Variants in LRRC66 observed in about 807,000 individuals in gnomAD.
LRRC66 encodes leucine-rich repeat-containing protein 66.
In LRRC66, 29 loss-of-function variants were observed where a neutral mutation model predicts 24.6. That is an observed-to-expected ratio of 1.18 (90% confidence interval 0.88 to 1.61). LRRC66 has a LOEUF of 1.61. LRRC66 is among the 40% of genes most tolerant of loss of function. The pLI is 0.00. For missense variants in LRRC66, 1,124 were observed against 1,058.0 expected, an observed-to-expected ratio of 1.06 and a Z score of -0.87; for synonymous variants, 411 against 397.6, an observed-to-expected ratio of 1.03 and a Z score of -0.40.
intron 3 of LRRC66, among the ~76,000 whole-genome samples, chr4:52,001,723 C>T (rs1002552281): frequency 6.6e-5 from 10 of 152,150 alleles, no homozygotes; most frequent in African/African-American, 2.4e-4. Context: ...GCAGCTGGCT[C>T]AAGGCCACGC....
At position 52,017,320 on chromosome 4, in the gene LRRC66, T is replaced by C. The variant is rs1463297181; in HGVS notation, c.294A>G (p.Ser98=). The C allele has an allele frequency of 6.2e-7, 1 of 1,614,142 alleles. No individual in the cohort carries two copies. Among genetic ancestry groups the C allele is most frequent in the Non-Finnish European group, 8.5e-7 (1 of 1,180,004 alleles). Residue 98 remains serine (S), a synonymous_variant, in exon 2 of 5, where the codon TCA becomes TCG. Transcript: ENST00000682860. ...ATGCAAAAGGGCTTAAGGTTATTTT[T>C]GATATGAGATTGTTACTGAGGTCCA... ...KHLDLSNNLI[S]KITLSPFAYL... is the part of the protein sequence containing the mutation.
chr4:51,995,037 C>T lies in LRRC66; in HGVS notation c.1985G>A (p.Arg662Lys). ...HYSEVPYGDPRDTGPSVFPPR... is the reference protein window; with the variant it reads ...HYSEVPYGDPKDTGPSVFPPR... ...AGGAAAGACTGATGGGCCTGTGTCT[C>T]TTGGGTCACCGTATGGAACCTCGCT... Residue 662 changes from arginine to lysine, a missense_variant, in exon 5 of 5, where the codon AGA (arginine) becomes AAA (lysine). Physicochemically the swap from Arg to Lys is conservative, Grantham distance 26. Transcript: ENST00000682860. 6.2e-7 allele frequency: 1 copy of T among 1,614,148 alleles called. No individual in the cohort carries two copies.
chr4:52,015,835 TAA>T (rs1429314483), intron 2 of LRRC66, among the ~76,000 whole-genome samples: 1 of 152,324 alleles, frequency 6.6e-6, no homozygotes, highest in East Asian at 1.9e-4. Flanking sequence ...CTTAATTATA[TAA>T]AGTTATTAAA....
In LRRC66 at chr4:51,997,871, G is replaced by A; in HGVS notation, c.733C>T (p.Pro245Ser). The change falls in exon 4 of 5, where the codon CCC (proline) becomes TCC (serine). Residue 245 changes from proline to serine, a missense_variant. By Grantham distance (74) the Pro-to-Ser change is moderately conservative. Transcript: ENST00000682860. ...LPMMIIALEF[P>S]HLVVDLADNN... ...TCAGCCAAGTCAACCACTAGATGGGGAAATTCTAGAGCTATGATCATCATT... is the reference window on the plus strand; with the variant it reads ...TCAGCCAAGTCAACCACTAGATGGGAAAATTCTAGAGCTATGATCATCATT... 6.2e-7 allele frequency: 1 copy of A among 1,614,096 alleles called. No homozygotes were observed. The highest frequency in any genetic ancestry group is 1.7e-5 in the Admixed American group (1 of 60,022).
In LRRC66 at chr4:52,017,269, G is replaced by GT. The variant is rs761744471; in HGVS notation, c.344dup (p.Asn115LysfsTer18). The GT allele has an allele frequency of 1.2e-6, 2 of 1,614,044 alleles. No individual in the cohort carries two copies. The highest frequency in any genetic ancestry group is 1.7e-6 in the Non-Finnish European group (2 of 1,180,038). On this transcript the variant is annotated frameshift_variant, in exon 2 of 5. Transcript: ENST00000682860. LOFTEE classifies it high-confidence loss of function. ...GGGAGTGGATGGCATTGTTGCTGAG[G>GT]TTTAACACTTCCAAAGCATGTAAAT...
intron 2 of LRRC66, among the ~76,000 whole-genome samples, chr4:52,013,273 AT>A (rs1349361045): frequency 6.6e-6 from 1 of 151,920 alleles, no homozygotes; most frequent in Non-Finnish European, 1.5e-5. Context: ...TACACTGTGT[AT>A]TTTTTTTAAT....
intron 2 of LRRC66, among the ~76,000 whole-genome samples, chr4:52,013,273 A>AT (rs1349361045): frequency 3.3e-5 from 5 of 152,040 alleles, no homozygotes; most frequent in South Asian, 2.1e-4. Context: ...TACACTGTGT[A>AT]TTTTTTTTAA....
Position 51,999,550 on chromosome 4 carries a change from C to A in LRRC66, c.667-1613G>T, listed in dbSNP as rs915891632. ...GGTCTTGGTGACGATCAGTAGCTTT[C>A]TTATGTATCGCTTGACAACAGATTG... On this transcript the variant is annotated intron_variant, in intron 3 of 4. Coordinates refer to ENST00000682860, the MANE Select transcript of LRRC66 (RefSeq NM_001024611.3). 3.9e-5 allele frequency among the ~76,000 whole-genome samples: 6 copies of A among 152,212 alleles called. No homozygotes were observed. In the East Asian group the frequency reaches 9.7e-4, roughly 25 times the overall value.
intron 3 of LRRC66, among the ~76,000 whole-genome samples, chr4:52,001,459 G>C (rs1236872131): frequency 6.6e-6 from 1 of 152,154 alleles, no homozygotes; most frequent in Non-Finnish European, 1.5e-5. Flanking sequence ...AATCTTAGAA[G>C]TGTTTTAACC....
At chr4:52,000,837 G>C (rs75594157) in intron 3 of LRRC66, among the ~76,000 whole-genome samples, 45 of 152,334 alleles carry the variant, frequency 3.0e-4, no homozygotes, top group Non-Finnish European at 2.6e-4. Flanking sequence ...GCAGCCTCTT[G>C]AGAGAGCCTT....
At chr4:52,018,260 T>C (rs1233491708) in intron 1 of LRRC66, 3 of 985,038 alleles carry the variant, frequency 3.0e-6, no homozygotes, top group Non-Finnish European at 3.6e-6. Context: ...CATGAAGATG[T>C]AATACGATAC....
At chr4:52,004,772 C>A (rs1480709259) in intron 2 of LRRC66, among the ~76,000 whole-genome samples, 2 of 152,144 alleles carry the variant, frequency 1.3e-5, no homozygotes, top group African/African-American at 4.8e-5. Context: ...ATGGCTGCAC[C>A]ATCAAGGTTG....
chr4:52,015,023 A>G (rs1459689351), intron 2 of LRRC66, among the ~76,000 whole-genome samples: 1 of 152,212 alleles, frequency 6.6e-6, no homozygotes, highest in African/African-American at 2.4e-5. Context: ...TTGGTCTTTA[A>G]GTGGAACTGT....
intron 3 of LRRC66, 97 bp downstream of exon 3, chr4:52,003,126 C>A (rs780221521): frequency 2.2e-6 from 2 of 916,240 alleles, no homozygotes; most frequent in Non-Finnish European, 3.3e-6. Context: ...ATAGCCAGTA[C>A]TACTGGACAT....
chr4:52,003,307 G>A lies in LRRC66; in HGVS notation c.582C>T (p.Cys194=), dbSNP rs542421947. The A allele has an allele frequency of 1.5e-5, 24 of 1,613,758 alleles. No homozygotes were observed. In the Admixed American group the frequency reaches 3.0e-4, roughly 20 times the overall value. ...LQIGWSDFHN[C]LQLENLCLKS... The stretch of plus-strand genomic sequence containing the variant: ...TTAAACAGAGATTCTCCAGTTGCAG[G>A]CAGTTGTGAAAATCAGACCACCCTA... The change falls in exon 3 of 5, where the codon TGC becomes TGT. Residue 194 remains cysteine, a synonymous_variant. Transcript: ENST00000682860.
chr4:52,003,041 C>T (rs1037205312), intron 3 of LRRC66, among the ~76,000 whole-genome samples, 182 bp downstream of exon 3: 3 of 152,076 alleles, frequency 2.0e-5, no homozygotes, highest in Non-Finnish European at 4.4e-5. Context: ...CTTATTGTGG[C>T]CTTTGATTTT....
In LRRC66 at chr4:52,019,953, TA is replaced by T. The variant is rs566359115; in HGVS notation, c.-6+350del. On this transcript the variant is annotated intron_variant, in intron 1 of 4. Transcript: ENST00000682860. ...CTTAAAGTGAAAGGTATTAATTTGTTAAAAAAATCATACTATTTATAAATTT... is the reference window on the plus strand; with the variant it reads ...CTTAAAGTGAAAGGTATTAATTTGTTAAAAAATCATACTATTTATAAATTT... 3.7e-4 allele frequency among the ~76,000 whole-genome samples: 57 copies of T among 152,220 alleles called. No homozygotes were observed. The South Asian group carries it at 0.012, about 31-fold the overall frequency.
intron 4 of LRRC66, 70 bp from the exon 5 acceptor site, chr4:51,996,235 T>G (rs948768500): frequency 6.4e-6 from 9 of 1,416,498 alleles, no homozygotes; most frequent in Non-Finnish European, 8.5e-6. Context: ...TTTTCTCTTT[T>G]TTACAGAATT....
At chr4:52,016,978 G>T in intron 2 of LRRC66, 140 bp downstream of exon 2, 1 of 928,378 alleles carries the variant, frequency 1.1e-6, no homozygotes, top group Non-Finnish European at 1.6e-6. Flanking sequence ...ATGCCACTAA[G>T]AAACATTATT....
Sources: gnomAD v4.1 joint callset for allele counts (sites outside exome capture counted in the v4.1 genomes callset) on GRCh38, gnomAD v4.1.1 for gene constraint, MANE v1.5 for transcripts, NCBI Gene and HGNC (gene_info 2026-07-23, HGNC 2026-07-21) for gene names.